The following DDX4 variants were observed in gnomAD, a reference collection of about 807,000 sequenced individuals.
DDX4 encodes the protein DEAD-box helicase 4.
In DDX4, 25 loss-of-function variants were observed where a neutral mutation model predicts 100.0. That is an observed-to-expected ratio of 0.25 (90% CI 0.18 to 0.35). The LOEUF (loss-of-function observed/expected upper bound fraction) is 0.35. DDX4 is among the 10% of genes least tolerant of loss of function. DDX4 has a pLI of 1.00. For synonymous variants in DDX4, 259 were observed against 275.7 expected, an observed-to-expected ratio of 0.94 and a Z score of 0.60; for missense variants, 635 against 882.4, an observed-to-expected ratio of 0.72 and a Z score of 3.55.
At position 55,787,947 on chromosome 5, in the gene DDX4, A is replaced by G. The variant is rs773119563; in HGVS notation, c.1119A>G (p.Pro373=). ...AACCAGAGTGTATTATTGTAGCACCAACTCGAGAATTGGTCAACCAGATTT... is the reference window on the plus strand; with the variant it reads ...AACCAGAGTGTATTATTGTAGCACCGACTCGAGAATTGGTCAACCAGATTT... The part of the protein sequence containing the change: ...LQEPECIIVA[P]TRELVNQIYL... Residue 373 remains proline, a synonymous_variant, in exon 15 of 22, where the codon CCA becomes CCG. Coordinates refer to ENST00000505374, the MANE Select transcript of DDX4 (RefSeq NM_024415.3). 1 of 1,613,834 alleles carries G rather than the reference A, an allele frequency of 6.2e-7. No individual in the cohort carries two copies. Among genetic ancestry groups the G allele is most frequent in the Non-Finnish European group, 8.5e-7 (1 of 1,179,888 alleles).
intron 18 of DDX4, 112 bp from the exon 19 acceptor site, chr5:55,813,561 G>C (rs1744234101): frequency 7.3e-7 from 1 of 1,369,436 alleles, no homozygotes; most frequent in South Asian, 2.1e-5. Flanking sequence ...GGTGCTGGTA[G>C]TAAATACAGT....
chr5:55,801,140 T>C (rs1480893417), intron 18 of DDX4, among the ~76,000 whole-genome samples: 5 of 151,624 alleles, frequency 3.3e-5, no homozygotes, highest in African/African-American at 1.2e-4. Context: ...ACAGGCCACA[T>C]GCATCCCTTT....
chr5:55,786,508 A>T lies in DDX4; in HGVS notation c.865-10A>T, dbSNP rs1163527908. The T allele has an allele frequency of 1.9e-6, 3 of 1,600,130 alleles. No homozygotes were observed. Among genetic ancestry groups the T allele is most frequent in the Admixed American group, 1.7e-5 (1 of 58,032 alleles). The stretch of plus-strand genomic sequence containing the variant: ...TAGAATGTAATCACTGCTTTTTTTT[A>T]AATTTTCAGACTTTTGAAGAAGCTA... On this transcript the variant is annotated splice_polypyrimidine_tract_variant and intron_variant, in intron 13 of 21. Coordinates refer to ENST00000505374, the MANE Select transcript of DDX4 (RefSeq NM_024415.3).
chr5:55,752,581 C>A (rs1331957765), intron 3 of DDX4, among the ~76,000 whole-genome samples: 1 of 146,054 alleles, frequency 6.8e-6, no homozygotes, highest in African/African-American at 2.6e-5. Flanking sequence ...TCCAGTCTAT[C>A]ATTGTTGGAC....
intron 3 of DDX4, 124 bp downstream of exon 3, chr5:55,746,345 C>T: frequency 1.4e-6 from 1 of 711,040 alleles, no homozygotes. Flanking sequence ...GTGAAAGTTC[C>T]TTCTGATTTG....
chr5:55,798,930 C>T (rs1213162379), intron 18 of DDX4, among the ~76,000 whole-genome samples: 1 of 152,136 alleles, frequency 6.6e-6, no homozygotes, highest in Admixed American at 6.5e-5. Flanking sequence ...TTTCTGGTTC[C>T]TAGCTCTTGC....
intron 4 of DDX4, among the ~76,000 whole-genome samples, chr5:55,762,312 TCA>T (rs1234443247): frequency 6.6e-6 from 1 of 152,174 alleles, no homozygotes; most frequent in African/African-American, 2.4e-5. Flanking sequence ...GTTCTTGCTA[TCA>T]CATCTCTGCT....
At chr5:55,777,771 A>G (rs1234375032) in intron 7 of DDX4, among the ~76,000 whole-genome samples, 1 of 152,220 alleles carries the variant, frequency 6.6e-6, no homozygotes, top group African/African-American at 2.4e-5. Flanking sequence ...AAAAGTGTTC[A>G]GTAACTCAAA....
At chr5:55,747,437 C>T (rs566688489) in intron 3 of DDX4, among the ~76,000 whole-genome samples, 1 of 152,100 alleles carries the variant, frequency 6.6e-6, no homozygotes, top group African/African-American at 2.4e-5. Context: ...GCCTGTAGTC[C>T]TAACTACTTG....
At chr5:55,776,875 T>C (rs1034253634) in intron 7 of DDX4, among the ~76,000 whole-genome samples, 5 of 152,196 alleles carry the variant, frequency 3.3e-5, no homozygotes, top group Admixed American at 2.0e-4. Context: ...TAAATAAGTA[T>C]TGACTATATA....
chr5:55,807,245 C>A (rs1454513123), intron 18 of DDX4, among the ~76,000 whole-genome samples: 1 of 152,208 alleles, frequency 6.6e-6, no homozygotes, highest in East Asian at 1.9e-4. Context: ...CTCCTGAATA[C>A]AGCACACTGA....
At chr5:55,791,228 A>G (rs1452785153) in intron 16 of DDX4, among the ~76,000 whole-genome samples, 1 of 152,148 alleles carries the variant, frequency 6.6e-6, no homozygotes, top group Admixed American at 6.5e-5. Flanking sequence ...TTCATATACT[A>G]TATTTTTGTA....
chr5:55,786,569 G>A lies in DDX4; in HGVS notation c.916G>A (p.Ala306Thr), dbSNP rs1208975587. The change falls in exon 14 of 22, where the codon GCT becomes ACT. Residue 306 changes from alanine to threonine, a missense_variant. Transcript: ENST00000505374. ...GACACTGAATAACAACATTGCTAAA[G>A]CTGGTTATACTAAGCTTACTCCTGT... Reference protein sequence around the residue: ...CQTLNNNIAKAGYTKLTPVQK... With the variant: ...CQTLNNNIAKTGYTKLTPVQK... 3.1e-6 allele frequency: 5 copies of A among 1,613,146 alleles called. No homozygotes were observed. The highest frequency in any genetic ancestry group is 4.2e-6 in the Non-Finnish European group (5 of 1,179,230).
intron 7 of DDX4, 91 bp downstream of exon 7, chr5:55,768,031 A>G: frequency 1.7e-6 from 2 of 1,189,440 alleles, no homozygotes; most frequent in Non-Finnish European, 2.5e-6. Context: ...AAAAACACTG[A>G]TCGTGAAAAC....
chr5:55,809,038 G>A (rs112163150), intron 18 of DDX4, among the ~76,000 whole-genome samples: 5 of 152,280 alleles, frequency 3.3e-5, no homozygotes, highest in South Asian at 4.1e-4. Context: ...CCCTAGCTTC[G>A]CTGCTGCCTT....
chr5:55,809,894 C>A (rs925731977), intron 18 of DDX4, among the ~76,000 whole-genome samples: 2 of 152,140 alleles, frequency 1.3e-5, no homozygotes, highest in African/African-American at 4.8e-5. Flanking sequence ...AGGCAGCATA[C>A]CTTCAAGACT....
intron 14 of DDX4, among the ~76,000 whole-genome samples, chr5:55,787,576 C>T (rs956406615): frequency 2.0e-5 from 3 of 152,132 alleles, no homozygotes; most frequent in African/African-American, 7.2e-5. Flanking sequence ...TGTTGTTGAT[C>T]TGTTTAGAAT....
intron 3 of DDX4, among the ~76,000 whole-genome samples, chr5:55,754,016 T>G (rs1438956967): frequency 8.2e-6 from 1 of 122,678 alleles, no homozygotes; most frequent in Non-Finnish European, 1.7e-5. Flanking sequence ...TTTTGTACAT[T>G]GATTTTGTAT....
intron 4 of DDX4, 59 bp downstream of exon 4, chr5:55,760,336 G>T: frequency 6.8e-7 from 1 of 1,468,158 alleles, no homozygotes; most frequent in African/African-American, 1.5e-5. Flanking sequence ...ATATATAGAG[G>T]CTTTCATGGC....
Sources: allele counts gnomAD v4.1 joint callset (sites outside exome capture counted in the v4.1 genomes callset), GRCh38; gene constraint gnomAD v4.1.1; transcripts MANE v1.5; gene names NCBI Gene and HGNC (gene_info 2026-07-23, HGNC 2026-07-21).